The following EFR3A variants were observed in gnomAD, a reference collection of about 807,000 sequenced individuals.
EFR3A encodes EFR3 homolog A.
Under a neutral mutation model 104.4 loss-of-function variants are expected in EFR3A, and 76 were observed. The ratio of observed to expected loss-of-function variants is 0.73; its 90% CI spans 0.60 to 0.88. EFR3A has a LOEUF of 0.88. EFR3A is among the 40% of genes least tolerant of loss of function. The pLI is 0.00. For synonymous variants in EFR3A, 330 were observed against 330.0 expected, an observed-to-expected ratio of 1.00 and a Z score of 0.00; for missense variants, 985 against 1,012.5, an observed-to-expected ratio of 0.97 and a Z score of 0.37.
At chr8:132,008,782 G>A (rs1822166865) in intron 22 of EFR3A, among the ~76,000 whole-genome samples, 1 of 133,950 alleles carries the variant, frequency 7.5e-6, no homozygotes, top group South Asian at 2.5e-4. Context: ...GGAGGTGGAG[G>A]TTACAGTGAG....
chr8:131,982,458 A>C (rs1820663771), intron 14 of EFR3A, among the ~76,000 whole-genome samples: 1 of 152,066 alleles, frequency 6.6e-6, no homozygotes, highest in Admixed American at 6.6e-5. Flanking sequence ...GCTTGTACAC[A>C]TGTTGTGCTG....
rs188766636 is a variant in EFR3A at position 131,951,124 on chromosome 8, T to G, written c.488+1034T>G. Among the ~76,000 whole-genome samples the G allele has an allele frequency of 1.8e-3, 274 of 152,258 alleles. 2 individuals carry two copies. Among genetic ancestry groups the G allele is most frequent in the African/African-American group, 6.3e-3 (263 of 41,560 alleles). ...GTACAGAAATATAACTAGGTTTTAG[T>G]TAAAGTATGCAAGCTACAGTGCTGG... On this transcript the variant is annotated intron_variant, in intron 5 of 22. Transcript: ENST00000254624.
At chr8:131,913,823 G>A (rs1335215371) in intron 1 of EFR3A, among the ~76,000 whole-genome samples, 3 of 152,166 alleles carry the variant, frequency 2.0e-5, no homozygotes, top group Non-Finnish European at 2.9e-5. Flanking sequence ...AGGTGTCCAA[G>A]GTTGGCGTTG....
intron 1 of EFR3A, among the ~76,000 whole-genome samples, chr8:131,910,588 A>G (rs545992854): frequency 1.8e-3 from 277 of 152,296 alleles, no homozygotes; most frequent in African/African-American, 6.5e-3. Flanking sequence ...CTGGTTTTCT[A>G]GGGCAGTGAT....
chr8:131,925,986 T>TG (rs1318559707), intron 1 of EFR3A, among the ~76,000 whole-genome samples: 1 of 152,036 alleles, frequency 6.6e-6, no homozygotes, highest in African/African-American at 2.4e-5. Context: ...TTAAAATAAA[T>TG]GCAACAAGGT....
chr8:131,967,260 A>T (rs1469535357), intron 8 of EFR3A, among the ~76,000 whole-genome samples: 1 of 152,180 alleles, frequency 6.6e-6, no homozygotes, highest in Non-Finnish European at 1.5e-5. Flanking sequence ...GTAGATGTGT[A>T]TTATGACAAA....
intron 1 of EFR3A, among the ~76,000 whole-genome samples, chr8:131,922,519 T>A (rs748059560): frequency 6.6e-6 from 1 of 152,264 alleles, no homozygotes; most frequent in Admixed American, 6.5e-5. Flanking sequence ...TTTGATAAGG[T>A]TAATTCAACC....
intron 10 of EFR3A, among the ~76,000 whole-genome samples, chr8:131,973,874 T>C (rs1216770445): frequency 6.6e-6 from 1 of 152,200 alleles, no homozygotes; most frequent in Non-Finnish European, 1.5e-5. Flanking sequence ...GAGTTAATCA[T>C]GTTGAAGACT....
At chr8:131,941,157 A>G (rs1349448113) in intron 2 of EFR3A, among the ~76,000 whole-genome samples, 2 of 152,086 alleles carry the variant, frequency 1.3e-5, no homozygotes, top group African/African-American at 4.8e-5. Flanking sequence ...GAGAACTGAG[A>G]GGTAAAGAAA....
intron 5 of EFR3A, among the ~76,000 whole-genome samples, chr8:131,952,256 T>A (rs1206479972): frequency 6.6e-6 from 1 of 152,142 alleles, no homozygotes; most frequent in Non-Finnish European, 1.5e-5. Flanking sequence ...TTTACATGAA[T>A]TAACTCATTT....
At chr8:131,963,870 A>G (rs1251373039) in intron 8 of EFR3A, among the ~76,000 whole-genome samples, 1 of 152,192 alleles carries the variant, frequency 6.6e-6, no homozygotes, top group Non-Finnish European at 1.5e-5. Flanking sequence ...AAGCTTATCC[A>G]CCATGATCAA....
At chr8:131,910,037 T>C (rs1355211993) in intron 1 of EFR3A, among the ~76,000 whole-genome samples, 2 of 152,162 alleles carry the variant, frequency 1.3e-5, no homozygotes, top group East Asian at 3.8e-4. Context: ...TGGCCTGGGA[T>C]TGACTGTCAG....
At position 131,974,604 on chromosome 8, in the gene EFR3A, C is replaced by T. The variant is rs371343513; in HGVS notation, c.1160-1423C>T. On this transcript the variant is annotated intron_variant, in intron 10 of 22. Transcript: ENST00000254624. ...TCTTGACTTCTCTTATCCTCATTTCCATAAGAGGAAACTGAGACAAATAAT... is the reference window on the plus strand; with the variant it reads ...TCTTGACTTCTCTTATCCTCATTTCTATAAGAGGAAACTGAGACAAATAAT... 3.3e-5 allele frequency among the ~76,000 whole-genome samples: 5 copies of T among 152,174 alleles called. No individual in the cohort carries two copies. The East Asian group carries it at 9.6e-4, about 29-fold the overall frequency.
chr8:132,001,796 A>C lies in EFR3A; in HGVS notation c.2195A>C (p.Lys732Thr), dbSNP rs149481135. Residue 732 changes from lysine to threonine, a missense_variant, in exon 20 of 23, where the codon AAG becomes ACG. Lys to Thr is a moderately conservative substitution (Grantham distance 78). Transcript: ENST00000254624. ...NTEEITFEAL[K>T]KAIDTSGMEE... ...GAAGAAATCACTTTTGAAGCATTGA[A>C]GAAAGCAATTGGTGAGATATTTTGC... is the stretch of plus-strand genomic sequence containing the variant. The C allele has an allele frequency of 6.2e-7, 1 of 1,613,358 alleles. No individual in the cohort carries two copies. Among genetic ancestry groups the C allele is most frequent in the African/African-American group, 1.3e-5 (1 of 75,044 alleles).
At chr8:131,981,021 T>TTATATATATATATATA (rs762282805) in intron 14 of EFR3A, among the ~76,000 whole-genome samples, 9 of 126,028 alleles carry the variant, frequency 7.1e-5, no homozygotes, top group African/African-American at 2.5e-4. Context: ...GTATTTCATT[T>TTATATATATATATATA]TATATATATA....
intron 1 of EFR3A, among the ~76,000 whole-genome samples, chr8:131,924,005 A>G (rs1333922085): frequency 6.6e-6 from 1 of 151,920 alleles, no homozygotes; most frequent in Non-Finnish European, 1.5e-5. Context: ...TCAGAGACTT[A>G]GTATCAGGGA....
At chr8:131,908,177 C>T (rs1816343634) in intron 1 of EFR3A, among the ~76,000 whole-genome samples, 2 of 151,986 alleles carry the variant, frequency 1.3e-5, no homozygotes, top group South Asian at 2.1e-4. Context: ...TCTCCTGTCT[C>T]AGCCTCCCTA....
intron 1 of EFR3A, among the ~76,000 whole-genome samples, chr8:131,906,997 GC>G (rs1280678917): frequency 7.1e-6 from 1 of 141,456 alleles, no homozygotes; most frequent in Non-Finnish European, 1.6e-5. Flanking sequence ...GTATCGGGAA[GC>G]TGAGCCTTCT....
intron 1 of EFR3A, among the ~76,000 whole-genome samples, chr8:131,923,780 C>T (rs910310746): frequency 6.6e-6 from 1 of 152,080 alleles, no homozygotes. Context: ...CCAGTGCGCA[C>T]TCAGAAGAAC....
Sources: allele counts gnomAD v4.1 joint callset (sites outside exome capture counted in the v4.1 genomes callset), GRCh38; gene constraint gnomAD v4.1.1; transcripts MANE v1.5; gene names NCBI Gene and HGNC (gene_info 2026-07-23, HGNC 2026-07-21).